Variants in CNTNAP2 observed in about 807,000 individuals in gnomAD.
The protein encoded by CNTNAP2 is contactin-associated protein-like 2.
Under a neutral mutation model 155.2 loss-of-function variants are expected in CNTNAP2, and 98 were observed. The ratio of observed to expected loss-of-function variants is 0.63; its 90% CI spans 0.54 to 0.75. CNTNAP2 has a LOEUF of 0.75. Among genes scored for constraint, CNTNAP2 ranks in the 30% least tolerant of loss-of-function variants. The pLI, the probability that CNTNAP2 is intolerant of heterozygous loss-of-function variation, is 0.00. For synonymous variants in CNTNAP2, 651 were observed against 631.2 expected (o/e 1.03, Z -0.47); for missense variants, 1,727 against 1,688.1 (o/e 1.02, Z -0.40).
In CNTNAP2 at chr7:146,790,593, G is replaced by A. The variant is rs1802652548; in HGVS notation, c.208+16212G>A. ...ATTTTTTTTTTTTTTTTTGTAAGAC[G>A]GAGTCTCGCTCTGTCGCCCAGGCTG... On this transcript the variant is annotated intron_variant, in intron 2 of 23. Coordinates refer to ENST00000361727, the MANE Select transcript of CNTNAP2 (RefSeq NM_014141.6). Among the ~76,000 whole-genome samples the A allele has an allele frequency of 3.4e-5, 5 of 145,872 alleles. No homozygotes were observed. The South Asian group carries it at 1.1e-3, about 31-fold the overall frequency.
chr7:148,021,161 G>A (rs1802273142), intron 15 of CNTNAP2, among the ~76,000 whole-genome samples: 2 of 149,546 alleles, frequency 1.3e-5, no homozygotes, highest in African/African-American at 5.1e-5. Flanking sequence ...AATCAAGGTA[G>A]GATGCCTTTT....
intron 3 of CNTNAP2, among the ~76,000 whole-genome samples, chr7:146,977,854 G>A (rs11974309): frequency 0.013 from 2,018 of 152,144 alleles, 39 homozygotes; most frequent in African/African-American, 0.047. Context: ...AAATTACATG[G>A]GTTGATATGG....
intron 1 of CNTNAP2, among the ~76,000 whole-genome samples, chr7:146,375,928 C>T (rs892928390): frequency 6.6e-6 from 1 of 152,164 alleles, no homozygotes; most frequent in African/African-American, 2.4e-5. Flanking sequence ...TAAACCTTCA[C>T]CTTCTCTTTG....
intron 1 of CNTNAP2, among the ~76,000 whole-genome samples, chr7:146,280,172 G>C (rs1384364779): frequency 6.6e-6 from 1 of 151,994 alleles, no homozygotes; most frequent in African/African-American, 2.4e-5. Flanking sequence ...AACAATTCTT[G>C]TCCGACCAAA....
At chr7:147,504,929 C>A (rs1430096713) in intron 11 of CNTNAP2, among the ~76,000 whole-genome samples, 2 of 151,712 alleles carry the variant, frequency 1.3e-5, no homozygotes, top group African/African-American at 2.4e-5. Flanking sequence ...ATTAAATATG[C>A]ACACACACAT....
At chr7:146,405,554 G>C (rs920887756) in intron 1 of CNTNAP2, among the ~76,000 whole-genome samples, 1 of 152,110 alleles carries the variant, frequency 6.6e-6, no homozygotes, top group Non-Finnish European at 1.5e-5. Context: ...ATTACACGTA[G>C]GTATTATTTC....
intron 8 of CNTNAP2, among the ~76,000 whole-genome samples, chr7:147,290,325 C>T (rs1262145344): frequency 1.3e-5 from 2 of 152,124 alleles, no homozygotes; most frequent in Non-Finnish European, 2.9e-5. Flanking sequence ...CTAAAGAGCA[C>T]TTCAGTACTA....
chr7:146,600,291 C>A (rs952752030), intron 1 of CNTNAP2, among the ~76,000 whole-genome samples: 1 of 152,058 alleles, frequency 6.6e-6, no homozygotes, highest in Non-Finnish European at 1.5e-5. Context: ...ATGTTATCTG[C>A]ATTTTGACAT....
chr7:147,117,837 G>T (rs908965100), intron 5 of CNTNAP2, among the ~76,000 whole-genome samples: 3 of 152,022 alleles, frequency 2.0e-5, no homozygotes, highest in African/African-American at 7.2e-5. Context: ...TCACATTAAA[G>T]ATCTGATCTG....
intron 13 of CNTNAP2, among the ~76,000 whole-genome samples, chr7:147,784,261 A>G (rs1351931039): frequency 6.6e-6 from 1 of 151,336 alleles, no homozygotes; most frequent in Non-Finnish European, 1.5e-5. Context: ...ACTTCAACGT[A>G]AAAATTTTTG....
chr7:146,656,723 T>C lies in CNTNAP2; in HGVS notation c.98-117548T>C, dbSNP rs570673953. On this transcript the variant is annotated intron_variant, in intron 1 of 23. Transcript: ENST00000361727. Reference sequence around the variant, plus strand: ...AATTGATGACTAAAGTATGTCAACTTTGGAAAAATATTCTTGAAATATTTT... The same window carrying C: ...AATTGATGACTAAAGTATGTCAACTCTGGAAAAATATTCTTGAAATATTTT... Among the ~76,000 whole-genome samples, 18 of 152,310 alleles carry C rather than the reference T, an allele frequency of 1.2e-4. No individual in the cohort carries two copies. In the South Asian group the frequency reaches 3.7e-3, roughly 32 times the overall value.
chr7:147,392,573 G>A (rs1023726139), intron 9 of CNTNAP2, among the ~76,000 whole-genome samples: 1 of 151,982 alleles, frequency 6.6e-6, no homozygotes, highest in Admixed American at 6.6e-5. Flanking sequence ...CATTCTCATA[G>A]CTTAACTCCC....
intron 9 of CNTNAP2, among the ~76,000 whole-genome samples, chr7:147,346,020 A>G (rs1201767734): frequency 6.6e-6 from 1 of 152,224 alleles, no homozygotes; most frequent in Non-Finnish European, 1.5e-5. Context: ...ATTTGAAAGA[A>G]ATATTTTTGA....
At chr7:146,871,417 C>T (rs1253123399) in intron 3 of CNTNAP2, among the ~76,000 whole-genome samples, 1 of 151,890 alleles carries the variant, frequency 6.6e-6, no homozygotes, top group Non-Finnish European at 1.5e-5. Flanking sequence ...GTAATCCCAG[C>T]GACTCAGGAG....
chr7:147,784,385 T>C (rs1176645943), intron 13 of CNTNAP2, among the ~76,000 whole-genome samples: 4 of 100,282 alleles, frequency 4.0e-5, no homozygotes, highest in Admixed American at 3.7e-4. Flanking sequence ...TAAAAACATA[T>C]ATATATATAT....
chr7:147,247,774 T>G (rs1232076849), intron 8 of CNTNAP2, among the ~76,000 whole-genome samples: 1 of 152,190 alleles, frequency 6.6e-6, no homozygotes, highest in African/African-American at 2.4e-5. Context: ...AGGGACTAAA[T>G]GTTACATATG....
intron 1 of CNTNAP2, among the ~76,000 whole-genome samples, chr7:146,462,342 A>G (rs1299481819): frequency 6.6e-6 from 1 of 152,202 alleles, no homozygotes; most frequent in African/African-American, 2.4e-5. Context: ...GAGAATTAGT[A>G]TGTTTACTAG....
chr7:147,035,795 A>G (rs1277219754), intron 3 of CNTNAP2, among the ~76,000 whole-genome samples: 1 of 152,196 alleles, frequency 6.6e-6, no homozygotes, highest in African/African-American at 2.4e-5. Context: ...GGATTTAGTT[A>G]GGAATAAATA....
intron 14 of CNTNAP2, among the ~76,000 whole-genome samples, chr7:147,949,188 G>T (rs928408866): frequency 1.4e-4 from 21 of 150,546 alleles, no homozygotes; most frequent in South Asian, 4.2e-4. Context: ...CAATAAGAGC[G>T]AAACTCCGTC....
Sources: gnomAD v4.1 joint callset for allele counts (sites outside exome capture counted in the v4.1 genomes callset) on GRCh38, gnomAD v4.1.1 for gene constraint, MANE v1.5 for transcripts, NCBI Gene and HGNC (gene_info 2026-07-23, HGNC 2026-07-21) for gene names.